UBE2J1: variants seen among roughly 807,000 people sequenced by gnomAD.
UBE2J1 encodes ubiquitin-conjugating enzyme E2 J1.
In UBE2J1, 17 loss-of-function variants were observed where a neutral mutation model predicts 42.1. That is an observed-to-expected ratio of 0.40 (90% confidence interval 0.28 to 0.61). The LOEUF (loss-of-function observed/expected upper bound fraction) is 0.61. UBE2J1 is among the 20% of genes least tolerant of loss of function. The pLI is 0.38. For missense variants in UBE2J1, 291 were observed against 389.4 expected, an observed-to-expected ratio of 0.75 and a Z score of 2.13; for synonymous variants, 127 against 137.2, an observed-to-expected ratio of 0.93 and a Z score of 0.52.
Position 89,338,484 on chromosome 6 carries a change from A to C in UBE2J1, c.297T>G (p.Pro99=). The part of the protein sequence containing the change: ...KICLSISGHH[P]ETWQPSWSIR... ...TACTCCACGAAGGCTGCCAAGTTTCAGGATGATGGCCTGAGATGCTCAAAC... is the reference window on the plus strand; with the variant it reads ...TACTCCACGAAGGCTGCCAAGTTTCCGGATGATGGCCTGAGATGCTCAAAC... Residue 99 remains proline (P), a synonymous_variant, in exon 4 of 8, where the codon CCT becomes CCG. Transcript: ENST00000435041. The C allele has an allele frequency of 1.9e-6, 3 of 1,609,506 alleles. No individual in the cohort carries two copies. Among genetic ancestry groups the C allele is most frequent in the Non-Finnish European group, 2.5e-6 (3 of 1,178,772 alleles).
At chr6:89,338,665 T>TG (rs1432019187) in intron 3 of UBE2J1, 122 bp from the exon 4 acceptor site, 3 of 266,830 alleles carry the variant, frequency 1.1e-5, no homozygotes, top group Non-Finnish European at 1.8e-5. Context: ...TTGTTTTTTT[T>TG]TTTTTTTTTT....
chr6:89,347,490 T>C (rs532064180), intron 1 of UBE2J1, among the ~76,000 whole-genome samples: 2 of 152,186 alleles, frequency 1.3e-5, no homozygotes, highest in Non-Finnish European at 2.9e-5. Context: ...CACTCAAAAC[T>C]TGTACCTGGA....
chr6:89,346,222 T>C (rs957527098), intron 1 of UBE2J1, among the ~76,000 whole-genome samples: 1 of 152,136 alleles, frequency 6.6e-6, no homozygotes, highest in African/African-American at 2.4e-5. Flanking sequence ...TAATATTCTT[T>C]TCCATTTCTT....
intron 7 of UBE2J1, among the ~76,000 whole-genome samples, chr6:89,330,333 T>C (rs2127859512): frequency 6.6e-6 from 1 of 152,228 alleles, no homozygotes; most frequent in Middle Eastern, 3.4e-3. Flanking sequence ...ATTATTTTTT[T>C]AGAGATGGGA....
chr6:89,343,600 G>A (rs1482357665), intron 2 of UBE2J1, 83 bp downstream of exon 2: 16 of 948,966 alleles, frequency 1.7e-5, no homozygotes, highest in Non-Finnish European at 2.2e-5. Flanking sequence ...CATCTGTAAT[G>A]ACTCAAAGCA....
At chr6:89,349,692 G>A (rs1359331445) in intron 1 of UBE2J1, among the ~76,000 whole-genome samples, 1 of 152,110 alleles carries the variant, frequency 6.6e-6, no homozygotes, top group Non-Finnish European at 1.5e-5. Flanking sequence ...TGTATCTATA[G>A]CTTACGAGAA....
intron 1 of UBE2J1, among the ~76,000 whole-genome samples, chr6:89,351,509 G>T (rs1245485263): frequency 6.6e-6 from 1 of 152,118 alleles, no homozygotes; most frequent in Non-Finnish European, 1.5e-5. Context: ...CTTTTCTGGG[G>T]TTTTTGCATA....
rs778675688 is a variant in UBE2J1 at position 89,329,887 on chromosome 6, A to G, written c.749T>C (p.Met250Thr). ...PTQPVAKNTSMSPRQRRAQQQ... is the reference protein window; with the variant it reads ...PTQPVAKNTSTSPRQRRAQQQ... ...CTGGGCCCGGCGCTGTCGAGGGCTCATGGAGGTATTCTTAGCTACAGGTTG... is the reference window on the plus strand; with the variant it reads ...CTGGGCCCGGCGCTGTCGAGGGCTCGTGGAGGTATTCTTAGCTACAGGTTG... Residue 250 changes from methionine (M) to threonine (T), a missense_variant, in exon 8 of 8, where the codon ATG (methionine) becomes ACG (threonine). Physicochemically the swap from Met to Thr is moderately conservative, Grantham distance 81. This residue lies in a region of UBE2J1 where 176 missense variants were observed against 196.3 expected (regional missense o/e 0.90). Transcript: ENST00000435041. 1 of 1,614,124 alleles carries G rather than the reference A, an allele frequency of 6.2e-7. No individual in the cohort carries two copies. The highest frequency in any genetic ancestry group is 2.2e-5 in the East Asian group (1 of 44,884).
chr6:89,348,186 A>G (rs1768397048), intron 1 of UBE2J1, among the ~76,000 whole-genome samples: 1 of 152,162 alleles, frequency 6.6e-6, no homozygotes, highest in African/African-American at 2.4e-5. Flanking sequence ...TTTTCCATGG[A>G]ATCCTTTCAC....
intron 2 of UBE2J1, 131 bp from the exon 3 acceptor site, chr6:89,342,586 C>A: frequency 1.3e-6 from 1 of 772,522 alleles, no homozygotes; most frequent in Non-Finnish European, 1.9e-6. Context: ...GTTTCTAATG[C>A]ATGAGATGTC....
chr6:89,336,676 T>C (rs868231426), intron 5 of UBE2J1, among the ~76,000 whole-genome samples: 1 of 151,902 alleles, frequency 6.6e-6, no homozygotes, highest in East Asian at 1.9e-4. Flanking sequence ...TTACCAGAAG[T>C]GGCACTGTTG....
At chr6:89,347,092 T>C (rs989489585) in intron 1 of UBE2J1, among the ~76,000 whole-genome samples, 2 of 152,176 alleles carry the variant, frequency 1.3e-5, no homozygotes, top group Non-Finnish European at 2.9e-5. Flanking sequence ...GAAAGCTTAA[T>C]GAGAACCCCA....
rs1240006135 is a variant in UBE2J1 at position 89,329,748 on chromosome 6, C to G, written c.888G>C (p.Leu296Phe). ...GTCGGAATATAAGAGCTGCCAATGCCAAAGTCAGGATGACAATCAGTACAG... is the reference window on the plus strand; with the variant it reads ...GTCGGAATATAAGAGCTGCCAATGCGAAAGTCAGGATGACAATCAGTACAG... ...GSAVLIVILT[L>F]ALAALIFRRI... Residue 296 changes from leucine to phenylalanine, a missense_variant, in exon 8 of 8, where the codon TTG becomes TTC. Transcript: ENST00000435041. 6 of 1,614,078 alleles carry G rather than the reference C, an allele frequency of 3.7e-6. No homozygotes were observed. In the Admixed American group the frequency reaches 1.0e-4, roughly 27 times the overall value.
chr6:89,334,533 G>A (rs1336855235), intron 6 of UBE2J1, among the ~76,000 whole-genome samples: 4 of 147,136 alleles, frequency 2.7e-5, no homozygotes, highest in Admixed American at 6.8e-5. Context: ...GTGCAATGGC[G>A]CGATCTCGGC....
intron 6 of UBE2J1, 136 bp downstream of exon 6, chr6:89,335,166 A>C (rs548262035): frequency 2.5e-6 from 2 of 785,472 alleles, no homozygotes; most frequent in Admixed American, 3.6e-5. Flanking sequence ...GAAATTAAAA[A>C]TATAAAAATA....
chr6:89,346,939 G>C (rs1768375934), intron 1 of UBE2J1, among the ~76,000 whole-genome samples: 1 of 152,138 alleles, frequency 6.6e-6, no homozygotes, highest in Non-Finnish European at 1.5e-5. Flanking sequence ...CTTAGCACAT[G>C]GTAAGTACTC....
chr6:89,329,346 C>T lies in UBE2J1; in HGVS notation c.*333G>A, dbSNP rs1342421342. 3.3e-6 allele frequency: 1 copy of T among 302,658 alleles called. No homozygotes were observed. Among genetic ancestry groups the T allele is most frequent in the Admixed American group, 5.1e-5 (1 of 19,654 alleles). 18.7% of individuals were successfully genotyped at this position (302,658 alleles called of 1,614,324 possible). On this transcript the variant is annotated 3_prime_UTR_variant, in exon 8 of 8. Coordinates refer to ENST00000435041, the MANE Select transcript of UBE2J1 (RefSeq NM_016021.3). ...TAATACTCATTGGAACTTAAAACAT[C>T]ATCTTTTATCCAAAAATTTCAAAGG...
At chr6:89,343,886 T>C (rs1768308190) in intron 1 of UBE2J1, 130 bp from the exon 2 acceptor site, 2 of 618,610 alleles carry the variant, frequency 3.2e-6, no homozygotes, top group Admixed American at 3.3e-5. Flanking sequence ...GGTTTAATTA[T>C]AAGATTATGG....
chr6:89,341,696 C>T (rs934158745), intron 3 of UBE2J1, among the ~76,000 whole-genome samples: 1 of 151,522 alleles, frequency 6.6e-6, no homozygotes, highest in Non-Finnish European at 1.5e-5. Context: ...TGCGCTCCAG[C>T]CTGGGCAACA....
Sources: allele counts gnomAD v4.1 joint callset (sites outside exome capture counted in the v4.1 genomes callset), GRCh38; gene constraint gnomAD v4.1.1; regional missense constraint gnomAD v4.1.1; transcripts MANE v1.5; gene names NCBI Gene and HGNC (gene_info 2026-07-23, HGNC 2026-07-21).